GSE1: variants seen among roughly 807,000 people sequenced by gnomAD.
GSE1 encodes the protein genetic suppressor element 1.
In GSE1, 32 loss-of-function variants were observed where a neutral mutation model predicts 112.6. The ratio of observed to expected loss-of-function variants is 0.28; its 90% CI spans 0.21 to 0.38. The LOEUF (loss-of-function observed/expected upper bound fraction) is 0.38, where lower values mean the gene tolerates loss of function less well. Among genes scored for constraint, GSE1 ranks in the 10% least tolerant of loss-of-function variants. The pLI, the probability that GSE1 is intolerant of heterozygous loss-of-function variation, is 1.00. For missense variants in GSE1, 2,348 were observed against 1,699.2 expected (o/e 1.38, Z -6.71); for synonymous variants, 1,115 against 735.6 (o/e 1.52, Z -8.35).
chr16:85,170,799 C>T (rs1321072119), exon 1 of GSE1: 1 of 985,464 alleles, frequency 1.0e-6, no homozygotes, highest in East Asian at 1.1e-4. Context: ...GCGCCAGCTG[C>T]TTCTCCTCCC....
At position 85,657,638 on chromosome 16, in the gene GSE1, C is replaced by A. The variant is rs760191005; in HGVS notation, c.1640+34C>A. 1.1e-5 allele frequency: 16 copies of A among 1,399,120 alleles called. 1 individual carries two copies. The South Asian group carries it at 2.0e-4, about 18-fold the overall frequency. 86.7% of individuals were successfully genotyped at this position (1,399,120 alleles called of 1,614,324 possible). ...GCCCCAGGAAGGAAGGAGGGATGAG[C>A]CTTCACGTTCCGATTTGTTCAGCGT... On this transcript the variant is annotated intron_variant, in intron 8 of 15. Coordinates refer to ENST00000253458, the MANE Select transcript of GSE1 (RefSeq NM_014615.5).
At chr16:85,416,824 T>C (rs967105851) in intron 2 of GSE1, among the ~76,000 whole-genome samples, 1 of 152,012 alleles carries the variant, frequency 6.6e-6, no homozygotes, top group African/African-American at 2.4e-5. Flanking sequence ...TTGTTGGTGG[T>C]GGTTTTTCTT....
At chr16:85,619,054 A>G (rs1351055947) in intron 1 of GSE1, among the ~76,000 whole-genome samples, 1 of 152,170 alleles carries the variant, frequency 6.6e-6, no homozygotes, top group Admixed American at 6.5e-5. Flanking sequence ...TCCCAAAAAG[A>G]CTGGAGTTGC....
intron 1 of GSE1, among the ~76,000 whole-genome samples, chr16:85,193,177 C>A (rs2074859560): frequency 6.6e-6 from 1 of 152,180 alleles, no homozygotes; most frequent in African/African-American, 2.4e-5. Flanking sequence ...AGGTTGAACA[C>A]CGAGTCCACA....
chr16:85,397,518 G>T (rs2047995435), intron 2 of GSE1, among the ~76,000 whole-genome samples: 1 of 152,202 alleles, frequency 6.6e-6, no homozygotes, highest in Non-Finnish European at 1.5e-5. Context: ...TGAGCCCTCT[G>T]CCTCTGTCTG....
chr16:85,347,325 G>T (rs75754257), intron 1 of GSE1, among the ~76,000 whole-genome samples: 3,272 of 152,278 alleles, frequency 0.021, 107 homozygotes, highest in African/African-American at 0.074. Flanking sequence ...CTGATGCCAA[G>T]GTCTCAGGGC....
At chr16:85,478,883 CTT>C (rs1196296004) in intron 2 of GSE1, among the ~76,000 whole-genome samples, 2 of 63,076 alleles carry the variant, frequency 3.2e-5, no homozygotes, top group Non-Finnish European at 5.3e-5. Flanking sequence ...TTCTTTCTTT[CTT>C]TCTTTCTTTC....
intron 2 of GSE1, among the ~76,000 whole-genome samples, chr16:85,538,473 C>T (rs1033153547): frequency 6.6e-6 from 1 of 152,198 alleles, no homozygotes; most frequent in Non-Finnish European, 1.5e-5. Flanking sequence ...CCCCAGCAGC[C>T]TTTCACCTCC....
chr16:85,272,747 C>T (rs1017004487), intron 1 of GSE1, among the ~76,000 whole-genome samples: 1 of 150,106 alleles, frequency 6.7e-6, no homozygotes, highest in African/African-American at 2.5e-5. Flanking sequence ...TGTTTGCTTG[C>T]TTGCTTGCTT....
chr16:85,195,458 C>T (rs1053328007), intron 1 of GSE1, among the ~76,000 whole-genome samples: 7 of 152,092 alleles, frequency 4.6e-5, no homozygotes, highest in African/African-American at 1.7e-4. Flanking sequence ...TTCCTGAGGC[C>T]CAGAGAGGTT....
At chr16:85,496,523 G>C (rs2051183471) in intron 2 of GSE1, among the ~76,000 whole-genome samples, 1 of 152,214 alleles carries the variant, frequency 6.6e-6, no homozygotes, top group African/African-American at 2.4e-5. Context: ...CGTGTCTGCG[G>C]AGTGGCAGCC....
chr16:85,444,840 G>GT (rs1298648549), intron 2 of GSE1, among the ~76,000 whole-genome samples: 1 of 152,168 alleles, frequency 6.6e-6, no homozygotes, highest in Non-Finnish European at 1.5e-5. Flanking sequence ...CCAAGGGACT[G>GT]TTTCCACTGT....
intron 2 of GSE1, among the ~76,000 whole-genome samples, chr16:85,499,063 C>G (rs573244697): frequency 6.6e-6 from 1 of 152,252 alleles, no homozygotes; most frequent in East Asian, 1.9e-4. Context: ...GAGTTGAGGC[C>G]AGATGGGAAG....
rs534665610 is a variant in GSE1, at chr16:85,650,885, G to A, written c.426+2134G>A. Among the ~76,000 whole-genome samples, 21 of 151,954 alleles carry A rather than the reference G, an allele frequency of 1.4e-4. No individual in the cohort carries two copies. The South Asian group carries it at 2.9e-3, about 21-fold the overall frequency. On this transcript the variant is annotated intron_variant, in intron 3 of 15. Transcript: ENST00000253458. ...GCCGGAGGCTTCTCGGCCCCTTCTC[G>A]GGGTCACCCCTCTCTCCCAGGTGTA...
chr16:85,494,280 C>T (rs2051101451), intron 2 of GSE1, among the ~76,000 whole-genome samples: 1 of 152,186 alleles, frequency 6.6e-6, no homozygotes, highest in South Asian at 2.1e-4. Context: ...CTTCTGGTGG[C>T]TCCTGGTGAC....
Position 85,524,710 on chromosome 16 carries a change from G to A in GSE1, c.2465-109204G>A, listed in dbSNP as rs922695246. 6.6e-5 allele frequency among the ~76,000 whole-genome samples: 10 copies of A among 152,192 alleles called. No homozygotes were observed. The East Asian group carries it at 1.3e-3, about 21-fold the overall frequency. On this transcript the variant is annotated intron_variant, in intron 2 of 2. Transcript: ENST00000637419. The stretch of plus-strand genomic sequence containing the variant: ...AGCCTGAGGCCAGGCCTGTAATCAC[G>A]AGGGGGAGAGGGCACCGGGGCCAGT...
intron 3 of GSE1, among the ~76,000 whole-genome samples, chr16:85,653,105 C>T (rs549112634): frequency 2.0e-5 from 3 of 148,204 alleles, no homozygotes; most frequent in East Asian, 4.1e-4. Context: ...ACGGCTGCCC[C>T]AGTGACAGAG....
At chr16:85,634,154 C>A in intron 2 of GSE1, 22 bp downstream of exon 2, 1 of 1,401,804 alleles carries the variant, frequency 7.1e-7, no homozygotes. Flanking sequence ...CGCCAGGCTG[C>A]GCGTGGGGGG....
chr16:85,298,544 C>T (rs2045430520), intron 1 of GSE1, among the ~76,000 whole-genome samples: 1 of 152,184 alleles, frequency 6.6e-6, no homozygotes, highest in African/African-American at 2.4e-5. Context: ...TCTCCTGCTT[C>T]GGCCTCCCAA....
Sources: allele counts gnomAD v4.1 joint callset (sites outside exome capture counted in the v4.1 genomes callset), GRCh38; gene constraint gnomAD v4.1.1; transcripts MANE v1.5; gene names NCBI Gene and HGNC (gene_info 2026-07-23, HGNC 2026-07-21).